ZC3H12B: variants seen among roughly 807,000 people sequenced by gnomAD.
ZC3H12B encodes probable ribonuclease ZC3H12B.
A neutral mutation model predicts 43.9 loss-of-function variants in ZC3H12B; 7 were observed. The ratio of observed to expected loss-of-function variants is 0.16; its 90% confidence interval spans 0.09 to 0.30. The LOEUF (loss-of-function observed/expected upper bound fraction) is 0.30. Among genes scored for constraint, ZC3H12B ranks in the 10% least tolerant of loss-of-function variants. The probability of loss-of-function intolerance (pLI) is 1.00; values close to 1 mark genes in which losing one functional copy is unlikely to be tolerated. For missense variants in ZC3H12B, 475 were observed against 670.2 expected (o/e 0.71, Z 3.22); for synonymous variants, 222 against 241.7 (o/e 0.92, Z 0.76).
chrX:65,158,919 G>A, the ZC3H12B span, among the ~76,000 whole-genome samples: 2 of 112,038 alleles, frequency 1.8e-5, no homozygotes, highest in African/African-American at 3.2e-5. Context: ...TAACATTTAA[G>A]TCTTTAATCC....
At chrX:65,116,091 G>A in the ZC3H12B span, among the ~76,000 whole-genome samples, 1 of 111,285 alleles carries the variant, frequency 9.0e-6, no homozygotes, top group African/African-American at 3.3e-5. Context: ...TGTTGCATTT[G>A]CTTTTGGGTT....
At chrX:65,175,269 AC>A in the ZC3H12B span, among the ~76,000 whole-genome samples, 1 of 109,545 alleles carries the variant, frequency 9.1e-6, no homozygotes, top group Non-Finnish European at 1.9e-5. Context: ...TGTAGAAATT[AC>A]CCCCCTCTGC....
At chrX:65,149,810 AATAAT>A in the ZC3H12B span, among the ~76,000 whole-genome samples, 7 of 95,856 alleles carry the variant, frequency 7.3e-5, no homozygotes, top group Admixed American at 1.1e-4. Context: ...TAATAATAAT[AATAAT>A]AAATAAAAGT....
At chrX:65,038,351 T>G in the ZC3H12B span, among the ~76,000 whole-genome samples, 1 of 111,659 alleles carries the variant, frequency 9.0e-6, no homozygotes, top group African/African-American at 3.2e-5. Context: ...AATATAATTG[T>G]TATTTTGAAC....
chrX:65,299,892 T>G, the ZC3H12B span, among the ~76,000 whole-genome samples: 3 of 112,292 alleles, frequency 2.7e-5, no homozygotes, highest in Non-Finnish European at 5.6e-5. Context: ...CTGGGGAACC[T>G]GAGGTTCCAG....
chrX:65,327,880 A>G, the ZC3H12B span: 1 of 125,094 alleles, frequency 8.0e-6, no homozygotes, highest in East Asian at 2.8e-4. Context: ...AACAAACATC[A>G]ATTCTGTTAT....
At chrX:65,455,654 C>G (rs190294626) in intron 3 of ZC3H12B, among the ~76,000 whole-genome samples, 3 of 111,404 alleles carry the variant, frequency 2.7e-5, no homozygotes, top group Admixed American at 9.6e-5. Context: ...TTGAGAAGAG[C>G]AACCCCAAGA....
At chrX:65,251,929 C>A in the ZC3H12B span, among the ~76,000 whole-genome samples, 1 of 111,183 alleles carries the variant, frequency 9.0e-6, no homozygotes, top group Non-Finnish European at 1.9e-5. Flanking sequence ...CCCTTTATTA[C>A]TTTCTCCTTC....
At chrX:65,211,596 T>C in the ZC3H12B span, among the ~76,000 whole-genome samples, 23 of 98,524 alleles carry the variant, frequency 2.3e-4, no homozygotes, top group African/African-American at 8.5e-4. Flanking sequence ...ATTGATAGAG[T>C]TGGATGCCAA....
intron 3 of ZC3H12B, among the ~76,000 whole-genome samples, chrX:65,438,981 G>A (rs763796197): frequency 1.6e-4 from 18 of 112,891 alleles, no homozygotes; most frequent in African/African-American, 5.5e-4. Context: ...AAAAGCAAGG[G>A]CAGCTTTGTC....
the ZC3H12B span, among the ~76,000 whole-genome samples, chrX:65,176,568 C>T: frequency 9.0e-6 from 1 of 111,110 alleles, no homozygotes; most frequent in Non-Finnish European, 1.9e-5. Context: ...AAGTGGGTCC[C>T]TGACATAATA....
At chrX:65,336,684 A>G in the ZC3H12B span, among the ~76,000 whole-genome samples, 1 of 112,191 alleles carries the variant, frequency 8.9e-6, no homozygotes, top group Non-Finnish European at 1.9e-5. Flanking sequence ...ATTGTCTGTG[A>G]CAGAGTGGGA....
chrX:65,067,199 C>G, the ZC3H12B span, among the ~76,000 whole-genome samples: 1 of 100,439 alleles, frequency 1.0e-5, no homozygotes, highest in Non-Finnish European at 1.9e-5. Flanking sequence ...AAAAAAAAAA[C>G]TCGTGCAGCT....
At chrX:65,035,334 G>T in the ZC3H12B span, among the ~76,000 whole-genome samples, 1 of 112,241 alleles carries the variant, frequency 8.9e-6, no homozygotes, top group East Asian at 2.8e-4. Flanking sequence ...GCCCCAGGAG[G>T]CGAGCGAATC....
chrX:65,416,922 T>C (rs1436822716), intron 3 of ZC3H12B, among the ~76,000 whole-genome samples: 1 of 112,306 alleles, frequency 8.9e-6, no homozygotes, highest in Non-Finnish European at 1.9e-5. Context: ...ATTTATTGCC[T>C]GACTATACTT....
At chrX:65,112,809 T>A in the ZC3H12B span, among the ~76,000 whole-genome samples, 1 of 111,898 alleles carries the variant, frequency 8.9e-6, no homozygotes, top group Non-Finnish European at 1.9e-5. Context: ...AGATTAATGT[T>A]GTTTTCATGC....
the ZC3H12B span, among the ~76,000 whole-genome samples, chrX:65,328,698 C>T: frequency 1.6e-5 from 1 of 62,342 alleles, no homozygotes; most frequent in Non-Finnish European, 2.9e-5. Context: ...TCCCTCCCCC[C>T]TCCCCCCACC....
chrX:65,332,738 A>T, the ZC3H12B span, among the ~76,000 whole-genome samples: 6 of 112,012 alleles, frequency 5.4e-5, no homozygotes, highest in African/African-American at 1.6e-4. Flanking sequence ...ATCTAATAAC[A>T]GGTTTTTGAA....
chrX:65,119,039 C>T, the ZC3H12B span, among the ~76,000 whole-genome samples: 1 of 110,970 alleles, frequency 9.0e-6, no homozygotes, highest in African/African-American at 3.3e-5. Flanking sequence ...TTTCTTAATC[C>T]AATCTATCAT....
Sources: allele counts gnomAD v4.1 joint callset (sites outside exome capture counted in the v4.1 genomes callset), GRCh38; gene constraint gnomAD v4.1.1; transcripts MANE v1.5; gene names NCBI Gene and HGNC (gene_info 2026-07-23, HGNC 2026-07-21).